The following PDE4D variants were observed in gnomAD, a reference collection of about 807,000 sequenced individuals.
The protein encoded by PDE4D is 3',5'-cyclic-AMP phosphodiesterase 4D.
In PDE4D, 24 loss-of-function variants were observed where a neutral mutation model predicts 87.4. The ratio of observed to expected loss-of-function variants is 0.27; its 90% confidence interval spans 0.20 to 0.39. PDE4D has a LOEUF of 0.39. PDE4D is among the 10% of genes least tolerant of loss of function. The pLI, the probability that PDE4D is intolerant of heterozygous loss-of-function variation, is 1.00. For synonymous variants in PDE4D, 384 were observed against 383.2 expected (o/e 1.00, Z -0.02); for missense variants, 714 against 1,041.0 (o/e 0.69, Z 4.32).
At chr5:60,255,241 A>G (rs1382287866) in intron 1 of PDE4D, among the ~76,000 whole-genome samples, 1 of 151,908 alleles carries the variant, frequency 6.6e-6, no homozygotes, top group Non-Finnish European at 1.5e-5. Context: ...TTGTCAAAGG[A>G]CAGACATCAC....
rs532010820 is a variant in PDE4D, at chr5:60,320,356, C to T, written c.-89-134669G>A. On this transcript the variant is annotated intron_variant, in intron 1 of 16. Transcript: ENST00000502484. ...AAGTGCAGTATTACGGTGGGAGTGACCTGATTTTCCGGATGCCGTCTGTCA... is the reference window on the plus strand; with the variant it reads ...AAGTGCAGTATTACGGTGGGAGTGATCTGATTTTCCGGATGCCGTCTGTCA... 1.2e-3 allele frequency among the ~76,000 whole-genome samples: 189 copies of T among 152,124 alleles called. 2 individuals are homozygous for T. The highest frequency in any genetic ancestry group is 3.5e-4 in the Non-Finnish European group (24 of 68,030).
chr5:58,974,720 C>CT lies in PDE4D; in HGVS notation c.2373dup (p.Glu792ArgfsTer7). 1 of 1,612,200 alleles carries CT rather than the reference C, an allele frequency of 6.2e-7. No individual in the cohort carries two copies. Among genetic ancestry groups the CT allele is most frequent in the South Asian group, 1.1e-5 (1 of 90,840 alleles). ...CAGGCTTCAGGCTGGCTTTCCTCTT[C>CT]TTCCCCTACTGCCTCCTCTTCAACC... On this transcript the variant is annotated frameshift_variant, in exon 15 of 15. Coordinates refer to ENST00000340635, the MANE Select transcript of PDE4D (RefSeq NM_001104631.2). LOFTEE classifies it high-confidence loss of function.
chr5:59,943,785 G>C (rs887074251), intron 3 of PDE4D, among the ~76,000 whole-genome samples: 1 of 152,126 alleles, frequency 6.6e-6, no homozygotes, highest in African/African-American at 2.4e-5. Context: ...TGCCCCTAAG[G>C]AATGAGATTG....
intron 5 of PDE4D, among the ~76,000 whole-genome samples, chr5:59,048,478 T>G (rs1443810762): frequency 3.3e-5 from 5 of 152,232 alleles, no homozygotes; most frequent in Non-Finnish European, 7.3e-5. Context: ...ATTTATTATC[T>G]GATTTCTGAA....
In PDE4D at chr5:59,682,226, C is replaced by T. The variant is rs1184200786; in HGVS notation, c.455+210942G>A. Among the ~76,000 whole-genome samples the T allele has an allele frequency of 2.0e-5, 3 of 152,118 alleles. No homozygotes were observed. In the East Asian group the frequency reaches 5.8e-4, roughly 29 times the overall value. On this transcript the variant is annotated intron_variant, in intron 1 of 14. Transcript: ENST00000340635. ...TGAGGAATAACAGCATATTTACATG[C>T]TCTCATATTATCATGGTACAAAATG...
Position 59,574,971 on chromosome 5 carries a change from T to A in PDE4D, c.455+318197A>T, listed in dbSNP as rs549346919. On this transcript the variant is annotated intron_variant, in intron 1 of 14. Coordinates refer to ENST00000340635, the MANE Select transcript of PDE4D (RefSeq NM_001104631.2). ...TGATTATAACCACTATACTAAAGAATTGATATATTTAAAAACTCAAATATA... is the reference window on the plus strand; with the variant it reads ...TGATTATAACCACTATACTAAAGAAATGATATATTTAAAAACTCAAATATA... Among the ~76,000 whole-genome samples the A allele has an allele frequency of 2.0e-5, 3 of 152,240 alleles. No individual in the cohort carries two copies. In the South Asian group the frequency reaches 6.2e-4, roughly 32 times the overall value.
intron 1 of PDE4D, among the ~76,000 whole-genome samples, chr5:59,317,760 C>T (rs143052456): frequency 2.4e-3 from 358 of 152,238 alleles, no homozygotes; most frequent in South Asian, 6.6e-3. Flanking sequence ...CTCTAAAGCC[C>T]AAAGAATTTC....
intron 2 of PDE4D, among the ~76,000 whole-genome samples, chr5:60,086,742 T>C (rs1394106884): frequency 6.6e-6 from 1 of 152,256 alleles, no homozygotes; most frequent in Non-Finnish European, 1.5e-5. Context: ...GGAATCTTCA[T>C]GGGAAGCCCA....
At chr5:59,190,483 C>T (rs1485460873) in intron 3 of PDE4D, among the ~76,000 whole-genome samples, 3 of 152,064 alleles carry the variant, frequency 2.0e-5, no homozygotes, top group African/African-American at 7.2e-5. Flanking sequence ...GCCTACTTGG[C>T]TAAATATTTT....
intron 1 of PDE4D, among the ~76,000 whole-genome samples, chr5:60,263,315 G>A (rs1385560554): frequency 6.6e-6 from 1 of 152,120 alleles, no homozygotes; most frequent in African/African-American, 2.4e-5. Context: ...TATTCTTTCT[G>A]CACCTCTTTT....
chr5:59,932,351 G>T (rs1027952617), intron 3 of PDE4D, among the ~76,000 whole-genome samples: 5 of 152,168 alleles, frequency 3.3e-5, no homozygotes, highest in African/African-American at 7.2e-5. Flanking sequence ...GTCTCTGAGG[G>T]ATAATAGAGA....
intron 1 of PDE4D, among the ~76,000 whole-genome samples, chr5:59,753,977 A>T (rs903641554): frequency 3.3e-5 from 5 of 152,272 alleles, no homozygotes; most frequent in African/African-American, 1.2e-4. Flanking sequence ...ACTTCAACGC[A>T]TATCATTGTC....
At chr5:59,069,533 T>A (rs1321612808) in intron 5 of PDE4D, among the ~76,000 whole-genome samples, 3 of 146,866 alleles carry the variant, frequency 2.0e-5, no homozygotes, top group Non-Finnish European at 4.5e-5. Context: ...TTTTCCCTAA[T>A]CCCGTGGGGA....
chr5:59,940,444 T>C (rs760557515), intron 3 of PDE4D, among the ~76,000 whole-genome samples: 20 of 152,062 alleles, frequency 1.3e-4, no homozygotes, highest in Non-Finnish European at 1.5e-4. Flanking sequence ...GTACTGGTGG[T>C]GGAGGTAGAG....
At chr5:60,502,293 G>T (rs1750118255) in intron 1 of PDE4D, among the ~76,000 whole-genome samples, 1 of 152,248 alleles carries the variant, frequency 6.6e-6, no homozygotes, top group Non-Finnish European at 1.5e-5. Flanking sequence ...TCTCAGATTT[G>T]TCAAAGATCA....
chr5:59,880,519 C>A (rs1749285867), intron 1 of PDE4D, among the ~76,000 whole-genome samples: 1 of 152,162 alleles, frequency 6.6e-6, no homozygotes, highest in Non-Finnish European at 1.5e-5. Context: ...TTAAAACAAT[C>A]TCTGGGGAAA....
chr5:60,156,888 T>A (rs1174534795), intron 2 of PDE4D, among the ~76,000 whole-genome samples: 1 of 152,158 alleles, frequency 6.6e-6, no homozygotes, highest in Admixed American at 6.5e-5. Flanking sequence ...AGAGTTGTCA[T>A]AATTCATTTA....
intron 1 of PDE4D, among the ~76,000 whole-genome samples, chr5:60,342,267 C>T (rs1047585460): frequency 6.6e-5 from 10 of 152,090 alleles, no homozygotes; most frequent in African/African-American, 2.4e-4. Flanking sequence ...CTGCTTTGAC[C>T]ATTTTTTTGC....
intron 1 of PDE4D, among the ~76,000 whole-genome samples, chr5:60,483,442 C>T (rs1166797188): frequency 6.6e-6 from 1 of 152,098 alleles, no homozygotes; most frequent in East Asian, 1.9e-4. Context: ...CTCATAATAA[C>T]CCTTTTTCTT....
Sources: gnomAD v4.1 joint callset for allele counts (sites outside exome capture counted in the v4.1 genomes callset) on GRCh38, gnomAD v4.1.1 for gene constraint, MANE v1.5 for transcripts, NCBI Gene and HGNC (gene_info 2026-07-23, HGNC 2026-07-21) for gene names.